The following HMGCLL1 variants were observed in gnomAD, a reference collection of about 807,000 sequenced individuals.
The protein encoded by HMGCLL1 is 3-hydroxy-3-methylglutaryl-CoA lyase like 1.
Under a neutral mutation model 39.1 loss-of-function variants are expected in HMGCLL1, and 36 were observed. The ratio of observed to expected loss-of-function variants is 0.92; its 90% CI spans 0.71 to 1.22. The LOEUF (loss-of-function observed/expected upper bound fraction) is 1.22, where lower values mean the gene tolerates loss of function less well. Ranked by LOEUF, HMGCLL1 falls within the 50% of genes most tolerant of loss-of-function variation. The pLI is 0.00. For synonymous variants in HMGCLL1, 149 were observed against 144.0 expected (o/e 1.03, Z -0.25); for missense variants, 451 against 416.5 (o/e 1.08, Z -0.72).
the HMGCLL1 span, among the ~76,000 whole-genome samples, chr6:55,652,186 C>T: frequency 1.3e-5 from 2 of 152,136 alleles, no homozygotes; most frequent in Admixed American, 6.6e-5. Context: ...TACTCCATCC[C>T]CTGAATGAAT....
At chr6:55,482,912 G>A (rs905237469) in intron 7 of HMGCLL1, among the ~76,000 whole-genome samples, 3 of 151,830 alleles carry the variant, frequency 2.0e-5, no homozygotes, top group African/African-American at 4.8e-5. Context: ...ATAAATATAA[G>A]AATGTTATGA....
At chr6:55,548,028 A>G (rs1330737172) in intron 1 of HMGCLL1, among the ~76,000 whole-genome samples, 3 of 152,030 alleles carry the variant, frequency 2.0e-5, no homozygotes, top group Admixed American at 6.6e-5. Context: ...GCCAACGTTG[A>G]TTCACAGGCA....
the HMGCLL1 span, among the ~76,000 whole-genome samples, chr6:55,639,853 C>G: frequency 6.6e-6 from 1 of 151,782 alleles, no homozygotes; most frequent in African/African-American, 2.4e-5. Context: ...CTGAGGCGGG[C>G]AGATCACCTG....
At chr6:55,561,641 GTA>G (rs1430745723) in intron 1 of HMGCLL1, among the ~76,000 whole-genome samples, 1 of 152,058 alleles carries the variant, frequency 6.6e-6, no homozygotes, top group African/African-American at 2.4e-5. Context: ...CTTAAAAAAA[GTA>G]TATGATTATG....
intron 5 of HMGCLL1, among the ~76,000 whole-genome samples, chr6:55,500,679 T>C (rs1411577090): frequency 1.3e-5 from 2 of 152,016 alleles, no homozygotes; most frequent in Non-Finnish European, 2.9e-5. Flanking sequence ...CATCCCTCCG[T>C]TATTCCAATC....
chr6:55,467,289 A>G (rs934258182), intron 7 of HMGCLL1, among the ~76,000 whole-genome samples: 3 of 152,098 alleles, frequency 2.0e-5, no homozygotes, highest in African/African-American at 7.2e-5. Context: ...CCTCCATGTA[A>G]TACAAAATAT....
intron 1 of HMGCLL1, among the ~76,000 whole-genome samples, chr6:55,572,566 A>T (rs1021722221): frequency 3.9e-5 from 6 of 152,110 alleles, no homozygotes; most frequent in African/African-American, 1.4e-4. Context: ...TTTTTTCCAT[A>T]CAATATTTTT....
At chr6:55,582,932 A>T (rs1457358719), upstream of HMGCLL1, among the ~76,000 whole-genome samples, 1 of 152,022 alleles carries the variant, frequency 6.6e-6, no homozygotes, top group Non-Finnish European at 1.5e-5. Flanking sequence ...TAAGTTTCTA[A>T]AGTATAGCAT....
chr6:55,578,541 T>C (rs1771865158), intron 1 of HMGCLL1, among the ~76,000 whole-genome samples: 1 of 152,226 alleles, frequency 6.6e-6, no homozygotes, highest in Non-Finnish European at 1.5e-5. Context: ...TTCCTTTTTC[T>C]GCCTCACATT....
chr6:55,540,346 C>T lies in HMGCLL1; in HGVS notation c.297+1383G>A, dbSNP rs1403266133. ...AAAATTAATATGTTGAAATCCTAACCTGTAATGTGATAATATTAAAAAGAA... is the reference window on the plus strand; with the variant it reads ...AAAATTAATATGTTGAAATCCTAACTTGTAATGTGATAATATTAAAAAGAA... On this transcript the variant is annotated intron_variant, in intron 3 of 8. Coordinates refer to ENST00000274901, the MANE Select transcript of HMGCLL1 (RefSeq NM_001042406.2). 2.0e-5 allele frequency among the ~76,000 whole-genome samples: 3 copies of T among 152,022 alleles called. No individual in the cohort carries two copies. In the East Asian group the frequency reaches 5.8e-4, roughly 29 times the overall value.
the HMGCLL1 span, among the ~76,000 whole-genome samples, chr6:55,660,317 G>A: frequency 6.6e-6 from 1 of 151,500 alleles, no homozygotes; most frequent in African/African-American, 2.4e-5. Context: ...TTGTCACCCG[G>A]GTACTAAGCC....
At chr6:55,527,779 G>T (rs1581901349) in intron 3 of HMGCLL1, among the ~76,000 whole-genome samples, 1 of 151,936 alleles carries the variant, frequency 6.6e-6, no homozygotes, top group African/African-American at 2.4e-5. Flanking sequence ...ACTAAAGTTT[G>T]GAAAAATACC....
chr6:55,530,670 G>T (rs1441122453), intron 3 of HMGCLL1, among the ~76,000 whole-genome samples: 1 of 151,972 alleles, frequency 6.6e-6, no homozygotes, highest in Non-Finnish European at 1.5e-5. Flanking sequence ...TGTAGGTTTT[G>T]ACATGTAAAA....
rs1581953055 is a variant in HMGCLL1, at chr6:55,562,690, T to C, written c.108+16258A>G. 2.0e-5 allele frequency among the ~76,000 whole-genome samples: 3 copies of C among 152,072 alleles called. No individual in the cohort carries two copies. In the South Asian group the frequency reaches 6.2e-4, roughly 31 times the overall value. On this transcript the variant is annotated intron_variant, in intron 1 of 8. Coordinates refer to ENST00000274901, the MANE Select transcript of HMGCLL1 (RefSeq NM_001042406.2). ...ACTTACTTGAGGTACTGTTTTACAG[T>C]CACAAGGACACTCAAAGACAAGAGT...
At chr6:55,557,802 G>A (rs1410756750) in intron 1 of HMGCLL1, among the ~76,000 whole-genome samples, 1 of 152,156 alleles carries the variant, frequency 6.6e-6, no homozygotes, top group Non-Finnish European at 1.5e-5. Context: ...AAAGGGGTTA[G>A]CAATAAATTA....
chr6:55,673,988 T>G, the HMGCLL1 span, among the ~76,000 whole-genome samples: 1 of 151,990 alleles, frequency 6.6e-6, no homozygotes, highest in Non-Finnish European at 1.5e-5. Flanking sequence ...ACTATTGTAC[T>G]ATACAAAATT....
chr6:55,567,293 A>T (rs572899705), intron 1 of HMGCLL1, among the ~76,000 whole-genome samples: 1 of 152,182 alleles, frequency 6.6e-6, no homozygotes, highest in African/African-American at 2.4e-5. Flanking sequence ...AAAATGTATA[A>T]AACAATTTAT....
chr6:55,543,654 G>A (rs903569956), intron 1 of HMGCLL1, among the ~76,000 whole-genome samples: 14 of 146,782 alleles, frequency 9.5e-5, no homozygotes, highest in African/African-American at 3.3e-4. Flanking sequence ...AGGAGTTTGA[G>A]ACCAGCCAGG....
rs552415378 is a variant in HMGCLL1, at chr6:55,554,944, G to A, written c.109-12804C>T. 4.6e-5 allele frequency among the ~76,000 whole-genome samples: 7 copies of A among 152,262 alleles called. No individual in the cohort carries two copies. The East Asian group carries it at 1.2e-3, about 25-fold the overall frequency. ...TTATTTCTTACTTGGATAACTGCAAGAACATTATAAGCAATCTCTCTACTT... is the reference window on the plus strand; with the variant it reads ...TTATTTCTTACTTGGATAACTGCAAAAACATTATAAGCAATCTCTCTACTT... On this transcript the variant is annotated intron_variant, in intron 1 of 8. Transcript: ENST00000274901.
Sources: allele counts gnomAD v4.1 joint callset (sites outside exome capture counted in the v4.1 genomes callset), GRCh38; gene constraint gnomAD v4.1.1; transcripts MANE v1.5; gene names NCBI Gene and HGNC (gene_info 2026-07-23, HGNC 2026-07-21).